Variants in ZFHX3 observed in about 807,000 individuals in gnomAD.
ZFHX3 encodes the protein zinc finger homeobox protein 3.
Under a neutral mutation model 279.1 loss-of-function variants are expected in ZFHX3, and 42 were observed. That is an observed-to-expected ratio of 0.15 (90% CI 0.12 to 0.19). The LOEUF (loss-of-function observed/expected upper bound fraction) is 0.19. Among genes scored for constraint, ZFHX3 ranks in the 10% least tolerant of loss-of-function variants. The pLI is 1.00. For synonymous variants in ZFHX3, 2,293 were observed against 1,957.8 expected, an observed-to-expected ratio of 1.17 and a Z score of -4.52; for missense variants, 4,981 against 4,754.0, an observed-to-expected ratio of 1.05 and a Z score of -1.40.
At chr16:73,150,218 G>A (rs1041520818) in intron 5 of ZFHX3, among the ~76,000 whole-genome samples, 1 of 152,166 alleles carries the variant, frequency 6.6e-6, no homozygotes, top group Non-Finnish European at 1.5e-5. Context: ...CCAGACCAAG[G>A]TGCATAGGGG....
At chr16:73,777,664 G>C (rs1333237894) in intron 1 of ZFHX3, among the ~76,000 whole-genome samples, 1 of 151,924 alleles carries the variant, frequency 6.6e-6, no homozygotes, top group African/African-American at 2.4e-5. Flanking sequence ...AACAATGGCT[G>C]ATACCCAATG....
chr16:73,045,298 C>T (rs1424582391), intron 1 of ZFHX3, among the ~76,000 whole-genome samples: 1 of 152,226 alleles, frequency 6.6e-6, no homozygotes, highest in Non-Finnish European at 1.5e-5. Flanking sequence ...ATGAACTAAC[C>T]ACTTTTGGGT....
At chr16:73,863,397 G>A (rs965870057) in intron 1 of ZFHX3, among the ~76,000 whole-genome samples, 18 of 152,172 alleles carry the variant, frequency 1.2e-4, no homozygotes, top group Admixed American at 6.5e-4. Context: ...TGAACAGCAG[G>A]ACGCCAAAAG....
At chr16:73,214,612 A>T (rs1370120745) in intron 5 of ZFHX3, among the ~76,000 whole-genome samples, 5 of 152,158 alleles carry the variant, frequency 3.3e-5, no homozygotes. Flanking sequence ...CTCTTCACAC[A>T]TATCCCAGAC....
intron 3 of ZFHX3, among the ~76,000 whole-genome samples, chr16:73,349,427 T>C (rs1414947237): frequency 1.3e-5 from 2 of 152,206 alleles, no homozygotes; most frequent in African/African-American, 4.8e-5. Flanking sequence ...TGTGCTCTCG[T>C]AGGAGGTGTT....
chr16:73,466,659 T>G (rs2143592762), intron 2 of ZFHX3, among the ~76,000 whole-genome samples: 1 of 152,296 alleles, frequency 6.6e-6, no homozygotes, highest in Non-Finnish European at 1.5e-5. Context: ...CATGCATGTG[T>G]GCACAGTACT....
rs765903464 is a variant in ZFHX3 at position 73,170,087 on chromosome 16, A to G, written c.-1103-26256T>C. Among the ~76,000 whole-genome samples, 156 of 152,284 alleles carry G rather than the reference A, an allele frequency of 1.0e-3. 1 individual carries two copies. The highest frequency in any genetic ancestry group is 5.4e-4 in the Non-Finnish European group (37 of 68,020). On this transcript the variant is annotated intron_variant, in intron 5 of 17. Coordinates refer to the ZFHX3 transcript ENST00000641206. ...CAATCTCCAGCACAGCACCTGGCAC[A>G]TGGTAGGCACTCAGTAACACTTGTG... is the stretch of plus-strand genomic sequence containing the variant.
chr16:73,876,140 T>G (rs1406808337), intron 1 of ZFHX3, among the ~76,000 whole-genome samples: 1 of 152,238 alleles, frequency 6.6e-6, no homozygotes, highest in Non-Finnish European at 1.5e-5. Flanking sequence ...CCTGCATGCG[T>G]GATCCTGGGG....
At chr16:73,727,854 C>T (rs539606251) in intron 1 of ZFHX3, among the ~76,000 whole-genome samples, 9 of 152,228 alleles carry the variant, frequency 5.9e-5, no homozygotes, top group East Asian at 1.9e-4. Flanking sequence ...AAGGAGAAAC[C>T]CCATTGCTAT....
intron 4 of ZFHX3, among the ~76,000 whole-genome samples, chr16:73,313,557 C>T (rs752244478): frequency 5.3e-5 from 8 of 152,172 alleles, no homozygotes; most frequent in Non-Finnish European, 7.3e-5. Context: ...GGTTGAAGAT[C>T]TTGCTCAAGG....
chr16:73,561,678 C>A (rs2020371765), intron 2 of ZFHX3, among the ~76,000 whole-genome samples: 1 of 152,088 alleles, frequency 6.6e-6, no homozygotes, highest in Non-Finnish European at 1.5e-5. Flanking sequence ...ACAACTAACT[C>A]TCTCCCAGTG....
rs180857146 is a variant in ZFHX3 at position 72,917,071 on chromosome 16, G to A, written c.3217-27109C>T. 4.9e-3 allele frequency among the ~76,000 whole-genome samples: 752 copies of A among 152,042 alleles called. 5 individuals carry two copies. The highest frequency in any genetic ancestry group is 0.02 in the Middle Eastern group (6 of 294). On this transcript the variant is annotated intron_variant, in intron 3 of 9. Transcript: ENST00000268489. ...CTGAACAACATGGTGAAACCCCATC[G>A]CTACAAAAAAAACACAAAAATTAGC...
In ZFHX3 at chr16:72,959,636, G is replaced by C; in HGVS notation, c.510C>G (p.Phe170Leu). 1.2e-6 allele frequency: 2 copies of C among 1,614,112 alleles called. No homozygotes were observed. The highest frequency in any genetic ancestry group is 1.7e-6 in the Non-Finnish European group (2 of 1,180,036). ...GSGSGPLPSLFLNSLPGAGGK... is the reference protein window; with the variant it reads ...GSGSGPLPSLLLNSLPGAGGK... The stretch of plus-strand genomic sequence containing the variant: ...CCCCCGCGCCAGGGAGAGAGTTCAG[G>C]AAAAGCGAGGGGAGAGGCCCACTGC... The change falls in exon 2 of 10, where the codon TTC becomes TTG. Residue 170 changes from phenylalanine to leucine, a missense_variant. Coordinates refer to ENST00000268489, the MANE Select transcript of ZFHX3 (RefSeq NM_006885.4).
chr16:73,709,434 A>C (rs1388724153), intron 1 of ZFHX3, among the ~76,000 whole-genome samples: 1 of 152,180 alleles, frequency 6.6e-6, no homozygotes, highest in Non-Finnish European at 1.5e-5. Context: ...TAGACGACAG[A>C]ACACTATCCA....
intron 2 of ZFHX3, among the ~76,000 whole-genome samples, chr16:73,633,829 C>T (rs112240602): frequency 6.6e-6 from 1 of 151,402 alleles, no homozygotes; most frequent in Non-Finnish European, 1.5e-5. Flanking sequence ...ACCCGGGAGG[C>T]GGAGGTTGCA....
intron 2 of ZFHX3, among the ~76,000 whole-genome samples, chr16:73,519,901 T>G (rs1448985962): frequency 6.6e-6 from 1 of 152,212 alleles, no homozygotes. Context: ...CAAAAGTTTC[T>G]AGGAAATGAA....
intron 3 of ZFHX3, among the ~76,000 whole-genome samples, chr16:73,445,130 C>A (rs997519249): frequency 6.6e-6 from 1 of 151,518 alleles, no homozygotes. Context: ...ACGAGACTGT[C>A]TGAAAAATTT....
At chr16:73,591,013 C>T (rs1319154047) in intron 2 of ZFHX3, among the ~76,000 whole-genome samples, 3 of 152,028 alleles carry the variant, frequency 2.0e-5, no homozygotes, top group Non-Finnish European at 2.9e-5. Context: ...GGGTGCAAAC[C>T]GCAAAATCCA....
intron 1 of ZFHX3, among the ~76,000 whole-genome samples, chr16:72,970,343 G>C (rs1962048894): frequency 6.6e-6 from 1 of 151,968 alleles, no homozygotes; most frequent in Non-Finnish European, 1.5e-5. Flanking sequence ...GTTCTAAAAA[G>C]GGATTTGGGG....
Sources: allele counts gnomAD v4.1 joint callset (sites outside exome capture counted in the v4.1 genomes callset), GRCh38; gene constraint gnomAD v4.1.1; transcripts MANE v1.5; gene names NCBI Gene and HGNC (gene_info 2026-07-23, HGNC 2026-07-21).